The following PCGF6 variants were observed in gnomAD, a reference collection of about 807,000 sequenced individuals.
The protein encoded by PCGF6 is polycomb group ring finger 6.
PCGF6 carries 24 observed loss-of-function variants against 45.5 expected under a neutral mutation model. That is an observed-to-expected ratio of 0.53 (90% CI 0.38 to 0.74). The LOEUF is 0.74. PCGF6 is among the 30% of genes least tolerant of loss of function. PCGF6 has a pLI of 0.00. For missense variants in PCGF6, 356 were observed against 443.2 expected (o/e 0.80, Z 1.77); for synonymous variants, 152 against 162.1 (o/e 0.94, Z 0.47).
chr10:103,322,402 C>T (rs934241429), intron 8 of PCGF6, among the ~76,000 whole-genome samples: 1 of 152,112 alleles, frequency 6.6e-6, no homozygotes, highest in African/African-American at 2.4e-5. Flanking sequence ...GCTGGGGTTT[C>T]GCTATGTTGC....
At chr10:103,330,882 T>C (rs1366278147) in intron 7 of PCGF6, among the ~76,000 whole-genome samples, 2 of 152,156 alleles carry the variant, frequency 1.3e-5, no homozygotes, top group Admixed American at 6.6e-5. Context: ...TGAGCCCAGA[T>C]TGCGCCACTG....
Position 103,316,013 on chromosome 10 carries a change from T to TATAGAGAG in PCGF6, c.910-1742_910-1741insCTCTCTAT, listed in dbSNP as rs1311416309. ...GTGTGTGTATATATATATATATATA[T>TATAGAGAG]AGAGAGAGAGAGAGAGAGAGAGAGA... On this transcript the variant is annotated intron_variant, in intron 8 of 9. Coordinates refer to ENST00000369847, the MANE Select transcript of PCGF6 (RefSeq NM_001011663.2). Among the ~76,000 whole-genome samples the TATAGAGAG allele has an allele frequency of 3.4e-3, 402 of 119,402 alleles. 1 individual carries two copies. Among genetic ancestry groups the TATAGAGAG allele is most frequent in the African/African-American group, 0.012 (384 of 30,862 alleles). The allele number at this position is 119,402 out of a possible 152,430, so 78.3% of individuals were successfully genotyped here.
At chr10:103,348,342 T>G (rs1020701496) in intron 3 of PCGF6, 1 of 53,362 alleles carries the variant, frequency 1.9e-5, no homozygotes, top group Non-Finnish European at 4.9e-5. Flanking sequence ...GTTTTTTTGT[T>G]TTTTTTTTTT....
chr10:103,318,109 G>A (rs1012695529), intron 8 of PCGF6, among the ~76,000 whole-genome samples: 2 of 151,296 alleles, frequency 1.3e-5, no homozygotes, highest in African/African-American at 2.4e-5. Context: ...AACACTATGT[G>A]TGCATGTGGG....
chr10:103,341,878 C>T (rs1339720650), intron 6 of PCGF6, among the ~76,000 whole-genome samples: 1 of 152,102 alleles, frequency 6.6e-6, no homozygotes, highest in Admixed American at 6.6e-5. Context: ...GCAAGTAAGA[C>T]TTGTTCCCAT....
At chr10:103,321,757 T>C (rs1564726959) in intron 8 of PCGF6, among the ~76,000 whole-genome samples, 1 of 152,066 alleles carries the variant, frequency 6.6e-6, no homozygotes, top group Non-Finnish European at 1.5e-5. Context: ...TTGTAATTGC[T>C]GAATAGAAAT....
intron 8 of PCGF6, 27 bp from the exon 9 acceptor site, chr10:103,314,299 T>C: frequency 2.9e-6 from 4 of 1,358,484 alleles, no homozygotes; most frequent in Non-Finnish European, 4.1e-6. Context: ...AGTATTAGAT[T>C]GATTTCTTGC....
chr10:103,311,781 G>T (rs2093158237), intron 9 of PCGF6, among the ~76,000 whole-genome samples: 1 of 151,588 alleles, frequency 6.6e-6, no homozygotes, highest in African/African-American at 2.4e-5. Context: ...CAGAAACCTG[G>T]ATTTACCCAA....
chr10:103,341,736 G>A (rs1171266546), intron 6 of PCGF6, among the ~76,000 whole-genome samples: 3 of 151,482 alleles, frequency 2.0e-5, no homozygotes, highest in East Asian at 2.0e-4. Flanking sequence ...GAGCCACTGC[G>A]CCCGGCCAAC....
chr10:103,342,164 A>T (rs1355340824), intron 6 of PCGF6, among the ~76,000 whole-genome samples: 1 of 151,392 alleles, frequency 6.6e-6, no homozygotes, highest in Non-Finnish European at 1.5e-5. Context: ...TCAAACTCCT[A>T]ATCTCAAGTG....
Position 103,347,470 on chromosome 10 carries a change from G to C in PCGF6, c.558-20C>G, listed in dbSNP as rs776298773. ...TCCAACCTAATAAAAGGAAAGGATG[G>C]AGAATACCTCAGAATTCAGAAAAAT... On this transcript the variant is annotated intron_variant, in intron 3 of 9. Coordinates refer to ENST00000369847, the MANE Select transcript of PCGF6 (RefSeq NM_001011663.2). 1 of 1,582,472 alleles carries C rather than the reference G, an allele frequency of 6.3e-7. No individual in the cohort carries two copies. Among genetic ancestry groups the C allele is most frequent in the South Asian group, 1.1e-5 (1 of 89,536 alleles).
At chr10:103,325,889 G>A (rs1336744242) in intron 8 of PCGF6, among the ~76,000 whole-genome samples, 4 of 151,406 alleles carry the variant, frequency 2.6e-5, no homozygotes, top group Admixed American at 2.0e-4. Flanking sequence ...TGGGCATGGT[G>A]GCATGTGCCT....
chr10:103,332,098 A>G (rs1365152388), intron 7 of PCGF6, among the ~76,000 whole-genome samples: 1 of 151,778 alleles, frequency 6.6e-6, no homozygotes, highest in East Asian at 1.9e-4. Flanking sequence ...GGCCTAATAC[A>G]TCTCTGTGTC....
At chr10:103,333,226 A>G (rs549144231) in intron 7 of PCGF6, among the ~76,000 whole-genome samples, 1 of 151,970 alleles carries the variant, frequency 6.6e-6, no homozygotes, top group East Asian at 1.9e-4. Context: ...TTACCTATCT[A>G]TTCCTATGCT....
At chr10:103,321,643 C>T (rs993282994) in intron 8 of PCGF6, among the ~76,000 whole-genome samples, 4 of 151,738 alleles carry the variant, frequency 2.6e-5, no homozygotes, top group Admixed American at 6.6e-5. Context: ...ACCCGGGAGG[C>T]GGAGCTTGCA....
chr10:103,343,827 T>C (rs1354052406), intron 6 of PCGF6, among the ~76,000 whole-genome samples: 1 of 1,076 alleles, frequency 9.3e-4, no homozygotes, highest in African/African-American at 1.0e-3. Flanking sequence ...AGTAAAACTC[T>C]GTCTCAAAAA....
intron 9 of PCGF6, among the ~76,000 whole-genome samples, chr10:103,311,858 G>A (rs920973038): frequency 1.3e-5 from 2 of 151,230 alleles, no homozygotes; most frequent in Admixed American, 1.3e-4. Flanking sequence ...GGAGGCTGAG[G>A]TGGGCAGATC....
chr10:103,314,389 G>C (rs1039817790), intron 8 of PCGF6, 117 bp from the exon 9 acceptor site: 14 of 625,034 alleles, frequency 2.2e-5, no homozygotes, highest in Non-Finnish European at 3.5e-5. Flanking sequence ...TTTTATTTTA[G>C]ACTGATTAAA....
At chr10:103,340,198 A>AATATATATATAT (rs1191965991) in intron 6 of PCGF6, among the ~76,000 whole-genome samples, 1 of 87,908 alleles carries the variant, frequency 1.1e-5, no homozygotes, top group African/African-American at 5.3e-5. Context: ...AAAAAAAAAA[A>AATATATATATAT]ATATATATAT....
Sources: allele counts gnomAD v4.1 joint callset (sites outside exome capture counted in the v4.1 genomes callset), GRCh38; gene constraint gnomAD v4.1.1; transcripts MANE v1.5; gene names NCBI Gene and HGNC (gene_info 2026-07-23, HGNC 2026-07-21).